CEACAM20: variants seen among roughly 807,000 people sequenced by gnomAD.
CEACAM20 encodes the protein cell adhesion molecule CEACAM20.
In CEACAM20, 50 loss-of-function variants were observed where a neutral mutation model predicts 61.2. The observed-to-expected ratio is 0.82, with a 90% CI of 0.65 to 1.03. The LOEUF (loss-of-function observed/expected upper bound fraction) is 1.03, where lower values mean the gene tolerates loss of function less well. Among genes scored for constraint, CEACAM20 ranks in the 50% least tolerant of loss-of-function variants. CEACAM20 has a pLI of 0.00. For missense variants in CEACAM20, 683 were observed against 736.4 expected (o/e 0.93, Z 0.84); for synonymous variants, 282 against 287.7 (o/e 0.98, Z 0.20).
intron 9 of CEACAM20, 67 bp downstream of exon 9, chr19:44,511,950 C>A: frequency 2.1e-6 from 3 of 1,450,312 alleles, no homozygotes; most frequent in Admixed American, 1.9e-5. Flanking sequence ...AGCCCCCACC[C>A]TAAGAAGTAA....
Position 44,517,205 on chromosome 19 carries a change from G to A in CEACAM20, c.1050C>T (p.His350=), listed in dbSNP as rs760861414. ...LTINYGPDQV[H]ITRESASEMI... ...TCTCAGATGCCGACTCCCTGGTGAT[G>A]TGCACTTGGTCAGGACCATCTGTGT... The change falls in exon 6 of 12, where the codon CAC becomes CAT. Residue 350 remains histidine, a synonymous_variant. Transcript: ENST00000614924. 7 of 1,607,272 alleles carry A rather than the reference G, an allele frequency of 4.4e-6. No homozygotes were observed. The highest frequency in any genetic ancestry group is 2.2e-5 in the South Asian group (2 of 91,086).
In CEACAM20 at chr19:44,511,663, G is replaced by A. The variant is rs534917847; in HGVS notation, c.1585C>T (p.Pro529Ser). The A allele has an allele frequency of 1.3e-5, 21 of 1,612,876 alleles. No individual in the cohort carries two copies. Among genetic ancestry groups the A allele is most frequent in the South Asian group, 1.1e-4 (10 of 90,538 alleles). Residue 529 changes from proline (P) to serine (S), a missense_variant, in exon 10 of 12, where the codon CCA (proline) becomes TCA (serine). Transcript: ENST00000614924. The part of the protein sequence containing the change: ...GRIRVELMQP[P>S]DLPEETYETK... ...TCATAGGTCTCCTCTGGAAGGTCTG[G>A]TGGTTGCATCTGGGGAAAAACAAAG...
rs202136602 is a variant in CEACAM20 at position 44,522,886 on chromosome 19, A to G, written c.499T>C (p.Leu167=). Residue 167 remains leucine, a synonymous_variant, in exon 4 of 12, where the codon TTG becomes CTG. Coordinates refer to ENST00000614924, the MANE Select transcript of CEACAM20 (RefSeq NM_001102597.3). ...KYGPDPVEIK[L]ESGVASGEVV... ...TCCCCACTGGCAACACCAGACTCCAATTTGATTTCAACAGGATCAGGACCA... is the reference window on the plus strand; with the variant it reads ...TCCCCACTGGCAACACCAGACTCCAGTTTGATTTCAACAGGATCAGGACCA... 5.7e-4 allele frequency: 912 copies of G among 1,606,212 alleles called. No individual in the cohort carries two copies. Among genetic ancestry groups the G allele is most frequent in the Non-Finnish European group, 7.1e-4 (835 of 1,176,768 alleles).
In CEACAM20 at chr19:44,529,602, C is replaced by A. The variant is rs1245405041; in HGVS notation, c.-93G>T. The A allele has an allele frequency of 4.9e-6, 5 of 1,023,984 alleles. No homozygotes were observed. In the Admixed American group the frequency reaches 7.8e-5, roughly 16 times the overall value. The allele number at this position is 1,023,984 out of a possible 1,614,324, so 63.4% of individuals were successfully genotyped here. On this transcript the variant is annotated 5_prime_UTR_variant, in exon 1 of 12. Coordinates refer to ENST00000614924, the MANE Select transcript of CEACAM20 (RefSeq NM_001102597.3). Reference sequence around the variant, plus strand: ...CCTCACTCCAGGTGCAGCCCCTCCACCTCCCTTCTCTCCTCTCCCACCCTG... The same window carrying A: ...CCTCACTCCAGGTGCAGCCCCTCCAACTCCCTTCTCTCCTCTCCCACCCTG...
intron 11 of CEACAM20, 132 bp downstream of exon 11, chr19:44,510,898 G>A (rs890312234): frequency 9.8e-7 from 1 of 1,019,674 alleles, no homozygotes; most frequent in African/African-American, 1.6e-5. Flanking sequence ...AAATGGATAG[G>A]ATGGAATTGA....
chr19:44,525,079 C>T (rs376779145), intron 2 of CEACAM20, 22 bp downstream of exon 2: 38 of 1,604,986 alleles, frequency 2.4e-5, no homozygotes, highest in Admixed American at 8.5e-5. Context: ...TCAGAATGAC[C>T]GTCTTGTTTT....
intron 1 of CEACAM20, among the ~76,000 whole-genome samples, chr19:44,526,700 C>T (rs2123639438): frequency 6.6e-6 from 1 of 151,964 alleles, no homozygotes; most frequent in East Asian, 1.9e-4. Flanking sequence ...TGGTGAAACC[C>T]CGTCTCTACA....
Position 44,512,855 on chromosome 19 carries a change from T to C in CEACAM20, c.1513+13A>G, listed in dbSNP as rs73938679. The C allele has an allele frequency of 1.7e-3, 2,689 of 1,609,786 alleles. 52 individuals carry two copies. The African/African-American group carries it at 0.032, about 19-fold the overall frequency. On this transcript the variant is annotated intron_variant, in intron 8 of 11. Coordinates refer to ENST00000614924, the MANE Select transcript of CEACAM20 (RefSeq NM_001102597.3). ...CCCCTGCCCCAGGCATCAGCCACCA[T>C]AGAGTCACTTACCGGAACTGGGCTC...
At position 44,511,092 on chromosome 19, in the gene CEACAM20, G is replaced by A. The variant is rs539857619; in HGVS notation, c.1675C>T (p.Pro559Ser). ...SFSPWKPPPK[P>S]LMPPLRLVST... ...ACCAATCTGAGTGGGGGCATCAGAGGTTTGGGTGGTGGCTTCCAGGGGCTG... is the reference window on the plus strand; with the variant it reads ...ACCAATCTGAGTGGGGGCATCAGAGATTTGGGTGGTGGCTTCCAGGGGCTG... The change falls in exon 11 of 12, where the codon CCT (proline) becomes TCT (serine). Residue 559 changes from proline to serine, a missense_variant. Physicochemically the swap from Pro to Ser is moderately conservative, Grantham distance 74. Transcript: ENST00000614924. The A allele has an allele frequency of 2.4e-5, 39 of 1,613,994 alleles. No homozygotes were observed. In the South Asian group the frequency reaches 4.0e-4, roughly 16 times the overall value.
rs757552125 is a variant in CEACAM20, at chr19:44,511,072, T to A, written c.1695A>T (p.Arg565Ser). 6.2e-7 allele frequency: 1 copy of A among 1,613,936 alleles called. No individual in the cohort carries two copies. Among genetic ancestry groups the A allele is most frequent in the South Asian group, 1.1e-5 (1 of 91,082 alleles). ...PPPKPLMPPL[R>S]LVSTVPKNME... The stretch of plus-strand genomic sequence containing the variant: ...TGTTTTTTGGCACAGTGGAGACCAA[T>A]CTGAGTGGGGGCATCAGAGGTTTGG... Residue 565 changes from arginine to serine, a missense_variant, in exon 11 of 12, where the codon AGA becomes AGT. Arg to Ser is a moderately radical substitution (Grantham distance 110). Coordinates refer to ENST00000614924, the MANE Select transcript of CEACAM20 (RefSeq NM_001102597.3).
At chr19:44,520,233 G>A (rs904787021) in intron 5 of CEACAM20, among the ~76,000 whole-genome samples, 1 of 152,146 alleles carries the variant, frequency 6.6e-6, no homozygotes, top group Non-Finnish European at 1.5e-5. Flanking sequence ...GTGAGACCCT[G>A]TGAAAGCCTA....
intron 4 of CEACAM20, among the ~76,000 whole-genome samples, chr19:44,521,677 C>T (rs115063864): frequency 0.013 from 2,027 of 151,800 alleles, 49 homozygotes; most frequent in African/African-American, 0.04. Context: ...TGATGTGTTA[C>T]GTACTTTGTG....
At chr19:44,516,551 G>A (rs1195465272) in intron 6 of CEACAM20, among the ~76,000 whole-genome samples, 5 of 152,176 alleles carry the variant, frequency 3.3e-5, no homozygotes, top group African/African-American at 4.8e-5. Context: ...TGTAAGACAT[G>A]CCTTTCGCCT....
intron 8 of CEACAM20, 107 bp downstream of exon 8, chr19:44,512,761 G>T: frequency 1.2e-6 from 1 of 855,026 alleles, no homozygotes; most frequent in Non-Finnish European, 1.9e-6. Context: ...GACAGGGCTT[G>T]CCCTGATCAT....
intron 6 of CEACAM20, 128 bp from the exon 7 acceptor site, chr19:44,513,417 G>A: frequency 9.0e-6 from 5 of 552,604 alleles, no homozygotes. Flanking sequence ...TCGTTGGGAG[G>A]TATCAGATTG....
intron 1 of CEACAM20, among the ~76,000 whole-genome samples, chr19:44,527,741 C>T (rs1257305550): frequency 2.0e-5 from 3 of 152,200 alleles, no homozygotes; most frequent in South Asian, 2.1e-4. Context: ...AGCCAGGAAG[C>T]GCCGGCCCAG....
In CEACAM20 at chr19:44,525,157, A is replaced by T; in HGVS notation, c.140T>A (p.Val47Asp). ...NPLDATQSED[V>D]VLPVFGTPRT... ...GGGGGTCCCAAACACAGGCAGAACAACATCCTCACTTTGGGTGGCATCAAG... is the reference window on the plus strand; with the variant it reads ...GGGGGTCCCAAACACAGGCAGAACATCATCCTCACTTTGGGTGGCATCAAG... Residue 47 changes from valine (V) to aspartate (D), a missense_variant, in exon 2 of 12, where the codon GTT (valine) becomes GAT (aspartate). Transcript: ENST00000614924. 1 of 1,610,792 alleles carries T rather than the reference A, an allele frequency of 6.2e-7. No homozygotes were observed. The highest frequency in any genetic ancestry group is 8.5e-7 in the Non-Finnish European group (1 of 1,178,592).
rs1971449715 is a variant in CEACAM20 at position 44,524,045 on chromosome 19, C to T, written c.413G>A (p.Cys138Tyr). 3 of 1,562,518 alleles carry T rather than the reference C, an allele frequency of 1.9e-6. No individual in the cohort carries two copies. Among genetic ancestry groups the T allele is most frequent in the Non-Finnish European group, 8.7e-7 (1 of 1,152,524 alleles). Residue 138 changes from cysteine to tyrosine, a missense_variant, in exon 3 of 12, where the codon TGT becomes TAT. Transcript: ENST00000614924. The part of the protein sequence containing the change: ...VQREDSGTYQ[C>Y]EARDALLSQR... Reference sequence around the variant, plus strand: ...GCTCAGAAGGGCATCTCGAGCTTCACATTGGTAAGTCCCTGAGTCCTCCCG... The same window carrying T: ...GCTCAGAAGGGCATCTCGAGCTTCATATTGGTAAGTCCCTGAGTCCTCCCG...
intron 1 of CEACAM20, among the ~76,000 whole-genome samples, chr19:44,525,603 C>T (rs866172946): frequency 1.6e-4 from 25 of 152,030 alleles, no homozygotes; most frequent in African/African-American, 5.8e-4. Context: ...CCACCATGCC[C>T]GGCTAATTTT....
Sources: gnomAD v4.1 joint callset for allele counts (sites outside exome capture counted in the v4.1 genomes callset) on GRCh38, gnomAD v4.1.1 for gene constraint, MANE v1.5 for transcripts, NCBI Gene and HGNC (gene_info 2026-07-23, HGNC 2026-07-21) for gene names.